Variants in GRIP1 observed in about 807,000 individuals in gnomAD.
GRIP1 encodes the protein glutamate receptor interacting protein 1.
Under a neutral mutation model 129.9 loss-of-function variants are expected in GRIP1, and 45 were observed. That is an observed-to-expected ratio of 0.35 (90% CI 0.27 to 0.44). The LOEUF is 0.44. GRIP1 is among the 20% of genes least tolerant of loss of function. The probability of loss-of-function intolerance (pLI) is 1.00; values close to 1 mark genes in which losing one functional copy is unlikely to be tolerated. For synonymous variants in GRIP1, 530 were observed against 520.8 expected (o/e 1.02, Z -0.24); for missense variants, 1,196 against 1,396.8 (o/e 0.86, Z 2.29).
At chr12:66,487,082 T>C (rs1592414753) in intron 7 of GRIP1, among the ~76,000 whole-genome samples, 1 of 152,336 alleles carries the variant, frequency 6.6e-6, no homozygotes, top group East Asian at 1.9e-4. Flanking sequence ...TGAGTCACTA[T>C]GCCTGGCACA....
At chr12:66,428,177 A>G (rs371256647) in intron 14 of GRIP1, among the ~76,000 whole-genome samples, 3 of 152,146 alleles carry the variant, frequency 2.0e-5, no homozygotes, top group Admixed American at 6.5e-5. Context: ...TTTAAAAACC[A>G]CTCATCATCA....
chr12:66,591,951 T>G (rs1282223699), intron 2 of GRIP1, among the ~76,000 whole-genome samples: 1 of 152,274 alleles, frequency 6.6e-6, no homozygotes, highest in South Asian at 2.1e-4. Context: ...AGAGTCTCAA[T>G]AGTAGAACTA....
intron 9 of GRIP1, among the ~76,000 whole-genome samples, chr12:66,461,254 A>G (rs886182730): frequency 2.0e-5 from 3 of 152,360 alleles, no homozygotes; most frequent in Middle Eastern, 3.4e-3. Flanking sequence ...ATTACTAAAG[A>G]TGCTAACATT....
chr12:66,803,372 G>C (rs1038168018), intron 1 of GRIP1, among the ~76,000 whole-genome samples: 1 of 151,952 alleles, frequency 6.6e-6, no homozygotes, highest in Non-Finnish European at 1.5e-5. Context: ...AAATCTAGTG[G>C]GACAAGTCTA....
At chr12:66,663,256 C>T (rs548180508) in intron 1 of GRIP1, among the ~76,000 whole-genome samples, 38 of 152,038 alleles carry the variant, frequency 2.5e-4, no homozygotes, top group Non-Finnish European at 4.6e-4. Context: ...TGTGAATATT[C>T]TCTAATATAT....
chr12:66,409,795 G>T (rs982259245), intron 15 of GRIP1, among the ~76,000 whole-genome samples: 10 of 152,158 alleles, frequency 6.6e-5, no homozygotes, highest in African/African-American at 2.4e-4. Context: ...TTTTGAGTGT[G>T]TGATAATACA....
intron 1 of GRIP1, among the ~76,000 whole-genome samples, chr12:66,862,517 G>T (rs1464781856): frequency 6.6e-6 from 1 of 152,088 alleles, no homozygotes; most frequent in African/African-American, 2.4e-5. Flanking sequence ...CACTACCCAT[G>T]AATGGGACTG....
rs553143421 is a variant in GRIP1, at chr12:66,456,891, T to G, written c.1043-549A>C. On this transcript the variant is annotated intron_variant, in intron 9 of 24. Transcript: ENST00000359742. ...ACTTGGACTTGATTTTCCTCAACAA[T>G]AAACCACTCTAATCATCTATCAGTA... Among the ~76,000 whole-genome samples, 23 of 152,316 alleles carry G rather than the reference T, an allele frequency of 1.5e-4. No individual in the cohort carries two copies. The South Asian group carries it at 4.4e-3, about 29-fold the overall frequency.
chr12:66,596,746 T>TTAG, intron 2 of GRIP1, 101 bp downstream of exon 2: 1 of 716,220 alleles, frequency 1.4e-6, no homozygotes, highest in Non-Finnish European at 2.6e-6. Flanking sequence ...ACATGATTTA[T>TTAG]TATTATTATT....
chr12:66,796,011 GAGA>G (rs1163597790), intron 1 of GRIP1, among the ~76,000 whole-genome samples: 1 of 152,110 alleles, frequency 6.6e-6, no homozygotes, highest in African/African-American at 2.4e-5. Context: ...TCCAAATACA[GAGA>G]AGATTATGAC....
chr12:66,586,320 AC>A (rs1029042201), intron 2 of GRIP1, among the ~76,000 whole-genome samples: 2 of 152,140 alleles, frequency 1.3e-5, no homozygotes, highest in African/African-American at 2.4e-5. Context: ...CTCTTTAGTG[AC>A]ATGTGGCTCA....
intron 1 of GRIP1, among the ~76,000 whole-genome samples, chr12:66,773,144 G>A (rs372848575): frequency 3.0e-4 from 45 of 152,256 alleles, no homozygotes; most frequent in African/African-American, 9.9e-4. Flanking sequence ...ACTGAGGTCC[G>A]CATTTACCTT....
chr12:66,519,279 G>A (rs754001361), intron 5 of GRIP1, among the ~76,000 whole-genome samples: 2 of 152,124 alleles, frequency 1.3e-5, no homozygotes, highest in Non-Finnish European at 2.9e-5. Flanking sequence ...ATTGTGTTTA[G>A]CTTCTTTAGA....
chr12:66,705,812 C>T (rs1592760722), intron 1 of GRIP1, among the ~76,000 whole-genome samples: 1 of 151,966 alleles, frequency 6.6e-6, no homozygotes, highest in African/African-American at 2.4e-5. Context: ...GGGAAAGGAT[C>T]TCCTATTCAG....
intron 7 of GRIP1, among the ~76,000 whole-genome samples, chr12:66,475,087 T>G (rs1377276208): frequency 6.6e-6 from 1 of 152,118 alleles, no homozygotes; most frequent in Non-Finnish European, 1.5e-5. Flanking sequence ...GAAACCCATC[T>G]CATGTGCAGA....
chr12:66,464,351 A>G (rs1334577409), intron 8 of GRIP1, among the ~76,000 whole-genome samples: 1 of 152,240 alleles, frequency 6.6e-6, no homozygotes, highest in African/African-American at 2.4e-5. Context: ...ATTAATTAGA[A>G]ACATGAAATT....
At position 67,025,125 on chromosome 12, in the gene GRIP1, G is replaced by A. The variant is rs1352547262; in HGVS notation, c.58+43925C>T. ...GGGCCAAGGCAGGCAGATAACTTGA[G>A]GTCAGGAGTTAGAGACCAGCCTGGC... On this transcript the variant is annotated intron_variant, in intron 1 of 1. Coordinates refer to the GRIP1 transcript ENST00000643019. 2.0e-5 allele frequency among the ~76,000 whole-genome samples: 3 copies of A among 152,284 alleles called. 1 individual carries two copies. The highest frequency in any genetic ancestry group is 3.4e-3 in the Middle Eastern group (1 of 294).
At chr12:66,946,257 T>C (rs1188610178) in intron 1 of GRIP1, among the ~76,000 whole-genome samples, 1 of 152,208 alleles carries the variant, frequency 6.6e-6, no homozygotes, top group Admixed American at 6.5e-5. Flanking sequence ...TACTCTCTTA[T>C]TTAGGGCAAT....
intron 1 of GRIP1, among the ~76,000 whole-genome samples, chr12:66,923,430 T>G (rs2041245807): frequency 6.6e-6 from 1 of 152,234 alleles, no homozygotes; most frequent in South Asian, 2.1e-4. Context: ...GAGCATCAAC[T>G]GATTCCTTGG....
Sources: allele counts gnomAD v4.1 joint callset (sites outside exome capture counted in the v4.1 genomes callset), GRCh38; gene constraint gnomAD v4.1.1; transcripts MANE v1.5; gene names NCBI Gene and HGNC (gene_info 2026-07-23, HGNC 2026-07-21).